Variants in HERC2 observed in about 807,000 individuals in gnomAD.
HERC2 encodes the protein HECT and RLD domain containing E3 ubiquitin protein ligase 2.
Under a neutral mutation model 537.7 loss-of-function variants are expected in HERC2, and 102 were observed. That is an observed-to-expected ratio of 0.19 (90% CI 0.16 to 0.22). HERC2 has a LOEUF of 0.22. Among genes scored for constraint, HERC2 ranks in the 10% least tolerant of loss-of-function variants. The probability of loss-of-function intolerance (pLI) is 1.00; values close to 1 mark genes in which losing one functional copy is unlikely to be tolerated. For synonymous variants in HERC2, 2,224 were observed against 2,466.2 expected (o/e 0.90, Z 2.91); for missense variants, 4,236 against 6,198.2 (o/e 0.68, Z 10.63).
Position 28,114,641 on chromosome 15 carries a change from C to T in HERC2, c.13884G>A (p.Ala4628=), listed in dbSNP as rs201003752. ...KHTHITLDNR[A]EYVRLAINYR... ...AGTTTATCGCCAGCCGCACGTACTCCGCGCGGTTGTCCAGGGTGATGTGTG... is the reference window on the plus strand; with the variant it reads ...AGTTTATCGCCAGCCGCACGTACTCTGCGCGGTTGTCCAGGGTGATGTGTG... The change falls in exon 90 of 93, where the codon GCG becomes GCA. Residue 4628 remains alanine, a synonymous_variant. Transcript: ENST00000261609. The T allele has an allele frequency of 7.8e-5, 126 of 1,614,030 alleles. No individual in the cohort carries two copies. The highest frequency in any genetic ancestry group is 1.7e-4 in the Middle Eastern group (1 of 6,016).
intron 20 of HERC2, among the ~76,000 whole-genome samples, chr15:28,250,525 T>C (rs2075040898): frequency 6.6e-6 from 1 of 152,236 alleles, no homozygotes. Context: ...TCACTACTTA[T>C]AAAAACTTCA....
chr15:28,312,069 G>A (rs2076959312), intron 2 of HERC2, among the ~76,000 whole-genome samples: 1 of 152,270 alleles, frequency 6.6e-6, no homozygotes, highest in Non-Finnish European at 1.5e-5. Context: ...CTGGACTCCT[G>A]GAAGGACATG....
At chr15:28,132,406 CAA>C in intron 80 of HERC2, 145 bp from the exon 81 acceptor site, 1 of 882,062 alleles carries the variant, frequency 1.1e-6, no homozygotes, top group Non-Finnish European at 1.6e-6. Context: ...TCCTATAAGA[CAA>C]AAGAGAAAGC....
At chr15:28,306,887 T>A (rs1156913532) in intron 2 of HERC2, among the ~76,000 whole-genome samples, 2 of 152,162 alleles carry the variant, frequency 1.3e-5, no homozygotes, top group African/African-American at 4.8e-5. Context: ...CAGGCTGGAG[T>A]GCAGTAACAT....
chr15:28,247,024 C>A, intron 21 of HERC2, 127 bp from the exon 22 acceptor site: 1 of 782,036 alleles, frequency 1.3e-6, no homozygotes, highest in Non-Finnish European at 2.1e-6. Flanking sequence ...CAAACAGAAG[C>A]CTGTTAACCC....
chr15:28,201,608 C>T, intron 47 of HERC2, 54 bp from the exon 48 acceptor site: 2 of 1,083,964 alleles, frequency 1.8e-6, no homozygotes, highest in Non-Finnish European at 2.8e-6. Flanking sequence ...GATAAACCTA[C>T]TCAAAAAGAA....
At chr15:28,226,570 C>G (rs1237602126) in intron 35 of HERC2, among the ~76,000 whole-genome samples, 2 of 152,178 alleles carry the variant, frequency 1.3e-5, no homozygotes, top group Non-Finnish European at 2.9e-5. Context: ...AGGTTGGACT[C>G]TTACCTCACA....
chr15:28,121,454 T>A (rs1460339131), intron 85 of HERC2, 25 bp from the exon 86 acceptor site: 1 of 1,568,684 alleles, frequency 6.4e-7, no homozygotes, highest in African/African-American at 1.4e-5. Context: ...ACAGACAAAA[T>A]TTAGAATCTG....
At chr15:28,267,552 G>A (rs1312104805) in intron 12 of HERC2, among the ~76,000 whole-genome samples, 1 of 152,186 alleles carries the variant, frequency 6.6e-6, no homozygotes, top group Non-Finnish European at 1.5e-5. Context: ...AAATTCCATG[G>A]AGATCAATCT....
intron 78 of HERC2, among the ~76,000 whole-genome samples, chr15:28,136,696 G>A (rs551635078): frequency 9.8e-5 from 15 of 152,298 alleles, no homozygotes; most frequent in Admixed American, 2.6e-4. Flanking sequence ...ACGGGAACAC[G>A]GCCACACCCA....
chr15:28,131,963 G>T (rs773893590), intron 81 of HERC2, 137 bp downstream of exon 81: 12 of 629,596 alleles, frequency 1.9e-5, no homozygotes, highest in Non-Finnish European at 3.2e-5. Context: ...AAGGTAAAGA[G>T]GAGGTTAAAG....
intron 70 of HERC2, among the ~76,000 whole-genome samples, chr15:28,148,083 C>T (rs1389329591): frequency 6.6e-6 from 1 of 151,408 alleles, no homozygotes; most frequent in African/African-American, 2.4e-5. Flanking sequence ...AAATAACATC[C>T]CCACAGGCAA....
At position 28,248,535 on chromosome 15, in the gene HERC2, C is replaced by T. The variant is rs774230318; in HGVS notation, c.3235+17G>A. On this transcript the variant is annotated intron_variant, in intron 21 of 92. Coordinates refer to ENST00000261609, the MANE Select transcript of HERC2 (RefSeq NM_004667.6). The stretch of plus-strand genomic sequence containing the variant: ...CCCGATCACATACAAGACACTTTCA[C>T]ATTTTAAGCAACTTACTAGAAATAT... 1 of 1,603,582 alleles carries T rather than the reference C, an allele frequency of 6.2e-7. No individual in the cohort carries two copies. Among genetic ancestry groups the T allele is most frequent in the Non-Finnish European group, 8.5e-7 (1 of 1,171,110 alleles).
At chr15:28,220,000 G>A (rs1185122595) in intron 37 of HERC2, among the ~76,000 whole-genome samples, 1 of 152,216 alleles carries the variant, frequency 6.6e-6, no homozygotes, top group East Asian at 1.9e-4. Context: ...CAGAGTCAGG[G>A]ACCACAGAGG....
chr15:28,291,545 C>A (rs2076312291), intron 4 of HERC2, among the ~76,000 whole-genome samples: 1 of 151,902 alleles, frequency 6.6e-6, no homozygotes, highest in African/African-American at 2.4e-5. Flanking sequence ...CTTTTATAAT[C>A]TATACATTTT....
Position 28,234,213 on chromosome 15 carries a change from T to C in HERC2, c.4075A>G (p.Lys1359Glu). The change falls in exon 27 of 93, where the codon AAA (lysine) becomes GAA (glutamate). Residue 1359 changes from lysine to glutamate, a missense_variant. By Grantham distance (56) the Lys-to-Glu change is moderately conservative. This residue lies in a region of HERC2 where 1 missense variants were observed against 38.2 expected (regional missense o/e 0.03). Coordinates refer to ENST00000261609, the MANE Select transcript of HERC2 (RefSeq NM_004667.6). ...GGGGAGCTGCAGTGGTCCTCGTCTTTCTCCTCGTTGTAGCTGTAGTGGATC... is the reference window on the plus strand; with the variant it reads ...GGGGAGCTGCAGTGGTCCTCGTCTTCCTCCTCGTTGTAGCTGTAGTGGATC... ...SQIHYSYNEEKDEDHCSSPGG... is the reference protein window; with the variant it reads ...SQIHYSYNEEEDEDHCSSPGG... 9.1e-7 allele frequency: 1 copy of C among 1,100,580 alleles called. No homozygotes were observed. Among genetic ancestry groups the C allele is most frequent in the Non-Finnish European group, 1.4e-6 (1 of 714,298 alleles). 68.2% of individuals were successfully genotyped at this position (1,100,580 alleles called of 1,614,324 possible).
intron 70 of HERC2, among the ~76,000 whole-genome samples, chr15:28,146,644 T>A (rs1891771310): frequency 6.6e-6 from 1 of 151,048 alleles, no homozygotes; most frequent in East Asian, 1.9e-4. Context: ...ACAGCGAACA[T>A]CACACTGACC....
Position 28,257,048 on chromosome 15 carries a change from A to C in HERC2, c.2517+13T>G. ...CTTACAAAAGGAGGAAGAAGAAGGG[A>C]AATCATGAATACCTGAAGTCGTAGA... On this transcript the variant is annotated intron_variant, in intron 17 of 92. Coordinates refer to ENST00000261609, the MANE Select transcript of HERC2 (RefSeq NM_004667.6). The C allele has an allele frequency of 6.2e-7, 1 of 1,607,598 alleles. No individual in the cohort carries two copies. Among genetic ancestry groups the C allele is most frequent in the Non-Finnish European group, 8.5e-7 (1 of 1,174,590 alleles).
intron 2 of HERC2, chr15:28,320,374 A>G (rs1006325497): frequency 2.6e-5 from 4 of 152,354 alleles, no homozygotes; most frequent in African/African-American, 9.6e-5. Context: ...TCGGCCTCCC[A>G]AACTGCCGGG....
Sources: allele counts gnomAD v4.1 joint callset (sites outside exome capture counted in the v4.1 genomes callset), GRCh38; gene constraint gnomAD v4.1.1; regional missense constraint gnomAD v4.1.1; transcripts MANE v1.5; gene names NCBI Gene and HGNC (gene_info 2026-07-23, HGNC 2026-07-21).